The following USH2A variants were observed in gnomAD, a reference collection of about 807,000 sequenced individuals.
The protein encoded by USH2A is usherin, also known as Usher syndrome 2A (autosomal recessive, mild).
USH2A carries 443 observed loss-of-function variants against 538.9 expected under a neutral mutation model. That is an observed-to-expected ratio of 0.82 (90% CI 0.76 to 0.89). USH2A has a LOEUF of 0.89. Among genes scored for constraint, USH2A ranks in the 40% least tolerant of loss-of-function variants. The pLI, the probability that USH2A is intolerant of heterozygous loss-of-function variation, is 0.00. For synonymous variants in USH2A, 2,413 were observed against 2,273.5 expected (o/e 1.06, Z -1.75); for missense variants, 6,633 against 6,324.8 (o/e 1.05, Z -1.65).
chr1:215,789,294 A>G (rs1661905798), intron 51 of USH2A, among the ~76,000 whole-genome samples: 1 of 152,324 alleles, frequency 6.6e-6, no homozygotes, highest in Middle Eastern at 3.4e-3. Context: ...TACAAAGTGT[A>G]TGTGGTCTAC....
At chr1:215,868,052 C>T (rs1179113026) in intron 43 of USH2A, among the ~76,000 whole-genome samples, 1 of 152,100 alleles carries the variant, frequency 6.6e-6, no homozygotes, top group South Asian at 2.1e-4. Context: ...CAACACACGA[C>T]CATCCCAGAG....
chr1:216,191,433 G>A (rs1390682007), intron 19 of USH2A, among the ~76,000 whole-genome samples: 4 of 151,752 alleles, frequency 2.6e-5, no homozygotes, highest in Non-Finnish European at 4.4e-5. Context: ...CAGTGAGATT[G>A]GAATGTAGAA....
At chr1:216,240,818 A>G (rs1448257461) in intron 13 of USH2A, among the ~76,000 whole-genome samples, 1 of 152,190 alleles carries the variant, frequency 6.6e-6, no homozygotes, top group African/African-American at 2.4e-5. Flanking sequence ...TGGAGGATCC[A>G]ACATAGGAGA....
At chr1:215,913,616 T>C (rs75843885) in intron 38 of USH2A, among the ~76,000 whole-genome samples, 7,891 of 152,100 alleles carry the variant, frequency 0.052, 234 homozygotes, top group Admixed American at 0.086. Context: ...AAACTACAAT[T>C]GTTGTTTAGT....
At chr1:216,099,307 C>T (rs1230261126) in intron 21 of USH2A, among the ~76,000 whole-genome samples, 1 of 152,010 alleles carries the variant, frequency 6.6e-6, no homozygotes. Context: ...TCCTTCCTGG[C>T]AACTCTTCCA....
chr1:215,654,023 C>CT (rs1657163073), intron 64 of USH2A, among the ~76,000 whole-genome samples: 3 of 151,838 alleles, frequency 2.0e-5, no homozygotes, highest in Non-Finnish European at 2.9e-5. Context: ...TGGGCTTCTC[C>CT]TAGAAAAATG....
intron 4 of USH2A, among the ~76,000 whole-genome samples, chr1:216,351,716 CAA>C (rs1404122064): frequency 6.6e-6 from 1 of 151,944 alleles, no homozygotes; most frequent in East Asian, 1.9e-4. Flanking sequence ...AGTTAAAAGA[CAA>C]TGCAGTAATC....
In USH2A at chr1:216,083,567, T is replaced by C. The variant is rs573549135; in HGVS notation, c.5187A>G (p.Pro1729=). The change falls in exon 26 of 72, where the codon CCA becomes CCG. Residue 1729 remains proline, a synonymous_variant. Transcript: ENST00000307340. ...FLGAGFLELH[P]YMFHGGMNFE... is the part of the protein sequence containing the mutation. ...AGTTCATTCCACCATGAAACATATA[T>C]GGATGAAGTTCCAGGAACCCTTTAA... 18 of 1,612,116 alleles carry C rather than the reference T, an allele frequency of 1.1e-5. No homozygotes were observed. The highest frequency in any genetic ancestry group is 1.4e-5 in the Non-Finnish European group (16 of 1,179,006).
chr1:215,818,186 A>G (rs1360958549), intron 47 of USH2A, among the ~76,000 whole-genome samples: 8 of 151,892 alleles, frequency 5.3e-5, no homozygotes, highest in Non-Finnish European at 2.9e-5. Context: ...TGGGACAGTC[A>G]AAAGTTATAT....
chr1:216,251,213 GA>G (rs1265692938), intron 11 of USH2A, 115 bp from the exon 12 acceptor site: 78 of 1,027,784 alleles, frequency 7.6e-5, no homozygotes, highest in Non-Finnish European at 1.0e-4. Context: ...CAACAGACAA[GA>G]AGGTAATAAG....
At chr1:215,984,728 A>G (rs560342166) in intron 35 of USH2A, among the ~76,000 whole-genome samples, 2 of 152,334 alleles carry the variant, frequency 1.3e-5, no homozygotes, top group East Asian at 1.9e-4. Flanking sequence ...ATTAAACAAC[A>G]ATGCTTTAGT....
chr1:216,000,824 C>T (rs1459063989), intron 32 of USH2A, among the ~76,000 whole-genome samples: 1 of 152,144 alleles, frequency 6.6e-6, no homozygotes, highest in Non-Finnish European at 1.5e-5. Flanking sequence ...TCTTGAACGT[C>T]TGTGACCAGG....
chr1:215,917,311 T>A (rs1250434273), intron 38 of USH2A, among the ~76,000 whole-genome samples: 1 of 152,126 alleles, frequency 6.6e-6, no homozygotes, highest in Non-Finnish European at 1.5e-5. Context: ...ATCATATTCA[T>A]CCAATTAGTT....
chr1:215,689,067 T>C (rs1006258807), intron 61 of USH2A, among the ~76,000 whole-genome samples: 5 of 150,702 alleles, frequency 3.3e-5, no homozygotes, highest in African/African-American at 1.2e-4. Context: ...GGACGACTCT[T>C]AGGTTTTTCT....
Position 215,877,816 on chromosome 1 carries a change from G to C in USH2A, c.8623C>G (p.Arg2875Gly), listed in dbSNP as rs765369576. ...LASNPPEDLN[R>G]WHNIYSGTQW... ...GTTCCTGAATAAATATTGTGCCACC[G>C]ATTTAAATCTTCTGGGGGATTTGAT... The change falls in exon 43 of 72, where the codon CGG (arginine) becomes GGG (glycine). Residue 2875 changes from arginine (R) to glycine (G), a missense_variant. Arg to Gly is a moderately radical substitution (Grantham distance 125). Transcript: ENST00000307340. 1 of 1,613,728 alleles carries C rather than the reference G, an allele frequency of 6.2e-7. No individual in the cohort carries two copies. The highest frequency in any genetic ancestry group is 2.2e-5 in the East Asian group (1 of 44,858).
intron 62 of USH2A, 64 bp downstream of exon 62, chr1:215,680,085 G>T: frequency 6.5e-7 from 1 of 1,530,038 alleles, no homozygotes; most frequent in African/African-American, 1.4e-5. Context: ...CTGATGGCAT[G>T]TCAGGGCTCA....
intron 20 of USH2A, among the ~76,000 whole-genome samples, chr1:216,184,288 C>A (rs115934832): frequency 6.6e-6 from 1 of 151,960 alleles, no homozygotes; most frequent in African/African-American, 2.4e-5. Flanking sequence ...CATTTCAGCT[C>A]GCCTCTGCAG....
At chr1:216,343,225 A>T (rs2038109821) in intron 4 of USH2A, among the ~76,000 whole-genome samples, 1 of 151,992 alleles carries the variant, frequency 6.6e-6, no homozygotes, top group African/African-American at 2.4e-5. Flanking sequence ...TTCTAATATG[A>T]TATCAAAGTA....
intron 35 of USH2A, among the ~76,000 whole-genome samples, chr1:215,988,875 G>A (rs1667942282): frequency 6.6e-6 from 1 of 152,150 alleles, no homozygotes; most frequent in Admixed American, 6.6e-5. Flanking sequence ...ACCAGGCTGG[G>A]AGACAAGGAA....
Sources: allele counts gnomAD v4.1 joint callset (sites outside exome capture counted in the v4.1 genomes callset), GRCh38; gene constraint gnomAD v4.1.1; transcripts MANE v1.5; gene names NCBI Gene and HGNC (gene_info 2026-07-23, HGNC 2026-07-21).